ACYP2: variants seen among roughly 807,000 people sequenced by gnomAD.
ACYP2 encodes acylphosphatase 2.
In ACYP2, 12 loss-of-function variants were observed where a neutral mutation model predicts 11.2. The observed-to-expected ratio is 1.08, with a 90% confidence interval of 0.69 to 1.74. The LOEUF (loss-of-function observed/expected upper bound fraction) is 1.74, where lower values mean the gene tolerates loss of function less well. Among genes scored for constraint, ACYP2 ranks in the 40% most tolerant of loss-of-function variants. ACYP2 has a pLI of 0.00. For missense variants in ACYP2, 134 were observed against 101.9 expected (o/e 1.31, Z -1.35); for synonymous variants, 43 against 32.2 (o/e 1.33, Z -1.13).
intron 6 of ACYP2, among the ~76,000 whole-genome samples, chr2:54,188,687 C>T (rs73935096): frequency 0.034 from 5,105 of 152,218 alleles, 278 homozygotes; most frequent in African/African-American, 0.11. Context: ...TACAGCCTTG[C>T]TACTCACAAG....
intron 6 of ACYP2, among the ~76,000 whole-genome samples, chr2:54,293,165 C>A (rs1360682589): frequency 6.6e-6 from 1 of 152,212 alleles, no homozygotes; most frequent in African/African-American, 2.4e-5. Flanking sequence ...TTCTCCAAGA[C>A]AACCAGGAAG....
chr2:54,276,619 TCACACACACACA>T (rs3071186), intron 6 of ACYP2, among the ~76,000 whole-genome samples: 194 of 146,212 alleles, frequency 1.3e-3, no homozygotes, highest in Admixed American at 3.5e-3. Context: ...GATTGTTCTT[TCACACACACACA>T]CACACACACA....
intron 6 of ACYP2, among the ~76,000 whole-genome samples, chr2:54,267,714 T>G (rs952376936): frequency 2.0e-5 from 3 of 152,206 alleles, no homozygotes; most frequent in Non-Finnish European, 4.4e-5. Context: ...AGTTTGTTTT[T>G]CCACTTGTGG....
At chr2:54,241,673 G>T (rs557108506) in intron 6 of ACYP2, among the ~76,000 whole-genome samples, 1 of 152,168 alleles carries the variant, frequency 6.6e-6, no homozygotes, top group African/African-American at 2.4e-5. Context: ...TGTTTCACTT[G>T]TATCAGATTT....
At chr2:54,190,437 A>T (rs1317057024) in intron 6 of ACYP2, among the ~76,000 whole-genome samples, 1 of 151,598 alleles carries the variant, frequency 6.6e-6, no homozygotes, top group African/African-American at 2.4e-5. Context: ...TCACTAATCC[A>T]CCGATACTGC....
chr2:53,996,619 C>T lies in ACYP2; in HGVS notation c.62+22809C>T, dbSNP rs573533577. 3.7e-4 allele frequency among the ~76,000 whole-genome samples: 57 copies of T among 152,314 alleles called. 1 individual carries two copies. The South Asian group carries it at 0.011, about 30-fold the overall frequency. ...CTGCCTGGGAAGATCATAACCTCAG[C>T]TTGCTGTGGTAGATTCCAAAGGTGC... On this transcript the variant is annotated intron_variant, in intron 2 of 6. Transcript: ENST00000607452.
At chr2:54,223,719 G>A (rs1461325299) in intron 6 of ACYP2, among the ~76,000 whole-genome samples, 1 of 152,078 alleles carries the variant, frequency 6.6e-6, no homozygotes, top group Non-Finnish European at 1.5e-5. Flanking sequence ...TTGACCAAAA[G>A]AACTTTAGTT....
chr2:53,981,499 G>T (rs1671761757), intron 2 of ACYP2, among the ~76,000 whole-genome samples: 1 of 152,248 alleles, frequency 6.6e-6, no homozygotes, highest in Admixed American at 6.5e-5. Context: ...AAGTTACAAA[G>T]TTAAACTCCT....
At chr2:54,200,119 T>C (rs564323355) in intron 6 of ACYP2, among the ~76,000 whole-genome samples, 30 of 152,322 alleles carry the variant, frequency 2.0e-4, no homozygotes, top group African/African-American at 6.0e-4. Flanking sequence ...GTGTTTTCAG[T>C]TGGAAGATGT....
At chr2:54,244,514 C>G (rs1686867587) in intron 6 of ACYP2, among the ~76,000 whole-genome samples, 2 of 152,144 alleles carry the variant, frequency 1.3e-5, no homozygotes, top group African/African-American at 2.4e-5. Context: ...GTGGCATGAG[C>G]CACTGTGCCT....
At chr2:54,293,693 A>G (rs1398132188) in intron 6 of ACYP2, among the ~76,000 whole-genome samples, 2 of 152,208 alleles carry the variant, frequency 1.3e-5, no homozygotes, top group African/African-American at 4.8e-5. Context: ...ATTCTCTCTA[A>G]TCCTTTCAAT....
chr2:54,234,798 G>A (rs1179513808), intron 6 of ACYP2, among the ~76,000 whole-genome samples: 3 of 152,024 alleles, frequency 2.0e-5, no homozygotes, highest in Non-Finnish European at 4.4e-5. Context: ...GATTTCTTTG[G>A]GGGATTGACC....
At chr2:54,130,274 G>A (rs1041300168) in intron 4 of ACYP2, among the ~76,000 whole-genome samples, 2 of 152,168 alleles carry the variant, frequency 1.3e-5, no homozygotes, top group Non-Finnish European at 2.9e-5. Context: ...TCAGGGGGAA[G>A]AGGATTCAGG....
At chr2:54,063,234 C>T (rs1207969944) in intron 4 of ACYP2, among the ~76,000 whole-genome samples, 1 of 152,066 alleles carries the variant, frequency 6.6e-6, no homozygotes, top group Non-Finnish European at 1.5e-5. Context: ...GATTTGGCTG[C>T]CTCCACCTCC....
intron 4 of ACYP2, among the ~76,000 whole-genome samples, chr2:54,060,024 C>T (rs1277541153): frequency 6.6e-6 from 1 of 152,146 alleles, no homozygotes; most frequent in Non-Finnish European, 1.5e-5. Context: ...CATACTGTGA[C>T]TTGGTGTAAG....
At chr2:54,219,088 T>C (rs1685675997) in intron 6 of ACYP2, among the ~76,000 whole-genome samples, 1 of 152,182 alleles carries the variant, frequency 6.6e-6, no homozygotes, top group African/African-American at 2.4e-5. Context: ...ATGATACATG[T>C]GAAGATTTCA....
At chr2:54,027,655 C>G (rs1042531049) in intron 2 of ACYP2, among the ~76,000 whole-genome samples, 3 of 152,054 alleles carry the variant, frequency 2.0e-5, no homozygotes, top group Admixed American at 2.0e-4. Flanking sequence ...GTGAGGAAAT[C>G]TGTTCTTCTC....
chr2:53,971,637 A>G (rs1238507618), intron 1 of ACYP2, among the ~76,000 whole-genome samples: 1 of 152,204 alleles, frequency 6.6e-6, no homozygotes, highest in African/African-American at 2.4e-5. Flanking sequence ...TCTAGCAGAG[A>G]TAAAGACGTG....
intron 6 of ACYP2, among the ~76,000 whole-genome samples, chr2:54,194,826 C>T (rs1403648818): frequency 6.6e-6 from 1 of 152,086 alleles, no homozygotes; most frequent in Non-Finnish European, 1.5e-5. Context: ...TTTATACCTT[C>T]TTACAATGCT....
Sources: gnomAD v4.1 joint callset for allele counts (sites outside exome capture counted in the v4.1 genomes callset) on GRCh38, gnomAD v4.1.1 for gene constraint, MANE v1.5 for transcripts, NCBI Gene and HGNC (gene_info 2026-07-23, HGNC 2026-07-21) for gene names.